Variants in ATP10D observed in about 807,000 individuals in gnomAD.
ATP10D encodes ATPase phospholipid transporting 10D (putative), also known as phospholipid-transporting ATPase VD.
ATP10D carries 89 observed loss-of-function variants against 144.8 expected under a neutral mutation model. The ratio of observed to expected loss-of-function variants is 0.61; its 90% confidence interval spans 0.52 to 0.73. ATP10D has a LOEUF of 0.73. Among genes scored for constraint, ATP10D ranks in the 30% least tolerant of loss-of-function variants. ATP10D has a pLI of 0.00. For synonymous variants in ATP10D, 571 were observed against 615.1 expected, an observed-to-expected ratio of 0.93 and a Z score of 1.06; for missense variants, 1,603 against 1,714.8, an observed-to-expected ratio of 0.93 and a Z score of 1.15.
At chr4:47,537,616 C>A (rs1717920564) in intron 9 of ATP10D, among the ~76,000 whole-genome samples, 1 of 152,128 alleles carries the variant, frequency 6.6e-6, no homozygotes, top group South Asian at 2.1e-4. Context: ...CATATATTTA[C>A]ACATTTTCCC....
chr4:47,550,892 G>C (rs949051649), intron 10 of ATP10D, among the ~76,000 whole-genome samples: 3 of 152,200 alleles, frequency 2.0e-5, no homozygotes, highest in Non-Finnish European at 4.4e-5. Flanking sequence ...AGCTCAGCTC[G>C]AGCCATAACA....
chr4:47,500,463 A>C (rs1253102097), intron 1 of ATP10D, among the ~76,000 whole-genome samples: 1 of 152,226 alleles, frequency 6.6e-6, no homozygotes, highest in Non-Finnish European at 1.5e-5. Context: ...TGATTGTAAT[A>C]AAGGTGATGA....
intron 9 of ATP10D, among the ~76,000 whole-genome samples, chr4:47,543,836 TAC>T (rs756459559): frequency 5.7e-5 from 6 of 104,970 alleles, no homozygotes; most frequent in Admixed American, 1.0e-4. Context: ...ATATATTATG[TAC>T]ACACACACAC....
rs73815712 is a variant in ATP10D, at chr4:47,562,335, A to G, written c.2669-1246A>G. ...AAAGAACACTGCAAATAGACATTGTATCTTACTGGCAGGAGCATTCTTTAA... is the reference window on the plus strand; with the variant it reads ...AAAGAACACTGCAAATAGACATTGTGTCTTACTGGCAGGAGCATTCTTTAA... On this transcript the variant is annotated intron_variant, in intron 14 of 22. Coordinates refer to ENST00000273859, the MANE Select transcript of ATP10D (RefSeq NM_020453.4). Among the ~76,000 whole-genome samples, 890 of 152,322 alleles carry G rather than the reference A, an allele frequency of 5.8e-3. 10 individuals are homozygous for G. The highest frequency in any genetic ancestry group is 0.02 in the African/African-American group (844 of 41,582).
At chr4:47,488,211 A>C (rs1233674880) in intron 1 of ATP10D, among the ~76,000 whole-genome samples, 2 of 152,292 alleles carry the variant, frequency 1.3e-5, no homozygotes, top group Admixed American at 6.5e-5. Context: ...TTTTTTAAAA[A>C]TTTAATGACT....
chr4:47,588,375 A>G (rs1172867863), intron 22 of ATP10D, among the ~76,000 whole-genome samples: 2 of 152,198 alleles, frequency 1.3e-5, no homozygotes, highest in Non-Finnish European at 2.9e-5. Flanking sequence ...ATGTTATTCT[A>G]TAACAGCGTC....
chr4:47,562,741 A>T (rs1439706363), intron 14 of ATP10D, among the ~76,000 whole-genome samples: 1 of 152,210 alleles, frequency 6.6e-6, no homozygotes, highest in African/African-American at 2.4e-5. Context: ...ACCTGCAATC[A>T]TAGGCTTATC....
In ATP10D at chr4:47,565,019, C is replaced by T. The variant is rs548052463; in HGVS notation, c.2853+1254C>T. Reference sequence around the variant, plus strand: ...GGCAGCCCAGGCTGGAGCGCTATGGCGCGATCTCGGCTCACTGCAAGCTCC... The same window carrying T: ...GGCAGCCCAGGCTGGAGCGCTATGGTGCGATCTCGGCTCACTGCAAGCTCC... On this transcript the variant is annotated intron_variant, in intron 15 of 22. Transcript: ENST00000273859. 7.8e-3 allele frequency among the ~76,000 whole-genome samples: 1,191 copies of T among 152,316 alleles called. 18 individuals carry two copies. The highest frequency in any genetic ancestry group is 0.027 in the African/African-American group (1,107 of 41,564).
intron 21 of ATP10D, among the ~76,000 whole-genome samples, chr4:47,582,412 A>G (rs1478646843): frequency 1.3e-5 from 2 of 152,230 alleles, no homozygotes; most frequent in Non-Finnish European, 2.9e-5. Context: ...ATCCTGGTAC[A>G]GTGACTTTAG....
intron 10 of ATP10D, among the ~76,000 whole-genome samples, chr4:47,551,884 G>A (rs948103689): frequency 6.6e-6 from 1 of 152,192 alleles, no homozygotes; most frequent in African/African-American, 2.4e-5. Flanking sequence ...ATTGCATGTG[G>A]TGACTCTATA....
intron 1 of ATP10D, among the ~76,000 whole-genome samples, chr4:47,491,919 A>T (rs1560404623): frequency 6.6e-6 from 1 of 152,086 alleles, no homozygotes; most frequent in Non-Finnish European, 1.5e-5. Context: ...TTTTTTATTG[A>T]ACTAAATACT....
rs534714534 is a variant in ATP10D at position 47,552,873 on chromosome 4, A to G, written c.1636-1853A>G. ...AAAATAGAATTTGGAAAGCCTGCAC[A>G]TACTAGCCTCTTCTTGGAGATTCCT... On this transcript the variant is annotated intron_variant, in intron 10 of 22. Coordinates refer to ENST00000273859, the MANE Select transcript of ATP10D (RefSeq NM_020453.4). 5.3e-5 allele frequency among the ~76,000 whole-genome samples: 8 copies of G among 152,356 alleles called. No homozygotes were observed. The South Asian group carries it at 1.0e-3, about 20-fold the overall frequency.
At chr4:47,577,201 A>G (rs1477547580) in intron 19 of ATP10D, among the ~76,000 whole-genome samples, 3 of 152,240 alleles carry the variant, frequency 2.0e-5, no homozygotes, top group African/African-American at 7.2e-5. Context: ...TAAAGTTTGA[A>G]TCTTACAACC....
At chr4:47,490,149 T>C (rs1714997120) in intron 1 of ATP10D, among the ~76,000 whole-genome samples, 2 of 152,200 alleles carry the variant, frequency 1.3e-5, no homozygotes, top group South Asian at 4.1e-4. Context: ...AAACTTTCAT[T>C]TCCCCTTAAT....
chr4:47,493,442 C>T (rs1715192638), intron 1 of ATP10D, among the ~76,000 whole-genome samples: 2 of 152,176 alleles, frequency 1.3e-5, no homozygotes, highest in South Asian at 2.1e-4. Context: ...AGATATTTAA[C>T]ACTTGATTAT....
chr4:47,575,432 T>C (rs1720177037), intron 18 of ATP10D, among the ~76,000 whole-genome samples: 1 of 152,090 alleles, frequency 6.6e-6, no homozygotes, highest in Non-Finnish European at 1.5e-5. Flanking sequence ...TTCCTGAGAG[T>C]GTCCCGGTTT....
chr4:47,548,636 A>G (rs767034156), intron 10 of ATP10D, among the ~76,000 whole-genome samples: 2 of 151,952 alleles, frequency 1.3e-5, no homozygotes, highest in Non-Finnish European at 2.9e-5. Flanking sequence ...TTTTCTTTTC[A>G]TTTGCCTTAT....
intron 15 of ATP10D, among the ~76,000 whole-genome samples, chr4:47,566,275 G>GT (rs1274015568): frequency 2.6e-5 from 4 of 151,990 alleles, no homozygotes; most frequent in South Asian, 2.1e-4. Context: ...TCTCATAAAA[G>GT]TTTTTTTTCT....
At chr4:47,546,073 C>G (rs1328682619) in intron 9 of ATP10D, among the ~76,000 whole-genome samples, 2 of 152,206 alleles carry the variant, frequency 1.3e-5, no homozygotes, top group East Asian at 3.9e-4. Context: ...AGAGACATTT[C>G]AAGAAGGAAA....
Sources: gnomAD v4.1 joint callset for allele counts (sites outside exome capture counted in the v4.1 genomes callset) on GRCh38, gnomAD v4.1.1 for gene constraint, MANE v1.5 for transcripts, NCBI Gene and HGNC (gene_info 2026-07-23, HGNC 2026-07-21) for gene names.